AAGAB: variants seen among roughly 807,000 people sequenced by gnomAD.
AAGAB encodes the protein alpha and gamma adaptin binding protein, also known as alpha- and gamma-adaptin-binding protein p34.
In AAGAB, 38 loss-of-function variants were observed where a neutral mutation model predicts 44.1. The observed-to-expected ratio is 0.86, with a 90% CI of 0.67 to 1.13. AAGAB has a LOEUF of 1.13. Among genes scored for constraint, AAGAB ranks in the 50% most tolerant of loss-of-function variants. The pLI is 0.00. For synonymous variants in AAGAB, 131 were observed against 131.8 expected (o/e 0.99, Z 0.04); for missense variants, 450 against 373.8 (o/e 1.20, Z -1.68).
At chr15:67,220,539 A>C (rs1964043298) in intron 5 of AAGAB, 1 of 152,184 alleles carries the variant, frequency 6.6e-6, no homozygotes, top group Non-Finnish European at 1.5e-5. Flanking sequence ...GTTTTTCCCC[A>C]CCTGTAAAAG....
intron 5 of AAGAB, among the ~76,000 whole-genome samples, chr15:67,223,127 T>C (rs531728598): frequency 5.3e-5 from 8 of 152,314 alleles, no homozygotes; most frequent in African/African-American, 1.9e-4. Flanking sequence ...CCTTCTCTTC[T>C]CTCTGTCTCT....
At chr15:67,241,066 C>CACACACACAT (rs1964586992) in intron 1 of AAGAB, among the ~76,000 whole-genome samples, 1 of 151,740 alleles carries the variant, frequency 6.6e-6, no homozygotes. Context: ...CACACACACA[C>CACACACACAT]ACACATTTTA....
intron 1 of AAGAB, among the ~76,000 whole-genome samples, chr15:67,247,837 G>A (rs1314750401): frequency 6.6e-6 from 1 of 152,110 alleles, no homozygotes; most frequent in Non-Finnish European, 1.5e-5. Context: ...TAAACTAATT[G>A]TAAACTGATT....
intron 1 of AAGAB, among the ~76,000 whole-genome samples, chr15:67,238,348 C>A (rs1456370744): frequency 6.6e-6 from 1 of 152,118 alleles, no homozygotes; most frequent in Non-Finnish European, 1.5e-5. Flanking sequence ...TCAATTCCAT[C>A]GCAACCAGCT....
chr15:67,239,137 A>C (rs183703120), intron 1 of AAGAB, among the ~76,000 whole-genome samples: 4 of 152,324 alleles, frequency 2.6e-5, no homozygotes, highest in Admixed American at 2.6e-4. Flanking sequence ...TCATTGCTAT[A>C]ATCAGTTCTT....
chr15:67,219,581 A>G (rs1219120474), intron 5 of AAGAB, among the ~76,000 whole-genome samples: 1 of 152,148 alleles, frequency 6.6e-6, no homozygotes, highest in African/African-American at 2.4e-5. Flanking sequence ...CAAACACGAT[A>G]TGTTCTCACA....
Position 67,209,497 on chromosome 15 carries a change from G to T in AAGAB, c.583C>A (p.His195Asn). 1 of 1,614,150 alleles carries T rather than the reference G, an allele frequency of 6.2e-7. No individual in the cohort carries two copies. The highest frequency in any genetic ancestry group is 8.5e-7 in the Non-Finnish European group (1 of 1,180,008). ...CAGGGATCTGCTGACCCAATGCTAT[G>T]GTTTGTTCCAGTCAATGAGTTGAGA... ...SLLNSLTGTN[H>N]SIGSADPCHP... is the part of the protein sequence containing the mutation. Residue 195 changes from histidine to asparagine, a missense_variant, in exon 6 of 10, where the codon CAT becomes AAT. Coordinates refer to ENST00000261880, the MANE Select transcript of AAGAB (RefSeq NM_024666.5).
At chr15:67,239,197 G>A (rs1964540400) in intron 1 of AAGAB, among the ~76,000 whole-genome samples, 1 of 152,034 alleles carries the variant, frequency 6.6e-6, no homozygotes. Flanking sequence ...CAAAAAATTG[G>A]GGTTATGCTT....
In AAGAB at chr15:67,202,696, A is replaced by T; in HGVS notation, c.*125T>A. 1.3e-6 allele frequency: 1 copy of T among 768,932 alleles called. No individual in the cohort carries two copies. Among genetic ancestry groups the T allele is most frequent in the Non-Finnish European group, 2.2e-6 (1 of 453,078 alleles). 47.6% of individuals were successfully genotyped at this position (768,932 alleles called of 1,614,324 possible). A position where few individuals can be genotyped will look rare whatever the true frequency, so the allele number is the denominator to read the frequency against. Reference sequence around the variant, plus strand: ...CCTACTAAAAACTAAAATTAAGGGGACCCTATAAACAAGTCAGGCAGCCAA... The same window carrying T: ...CCTACTAAAAACTAAAATTAAGGGGTCCCTATAAACAAGTCAGGCAGCCAA... On this transcript the variant is annotated 3_prime_UTR_variant, in exon 10 of 10. Coordinates refer to ENST00000261880, the MANE Select transcript of AAGAB (RefSeq NM_024666.5).
intron 1 of AAGAB, among the ~76,000 whole-genome samples, chr15:67,247,747 T>A (rs931121867): frequency 6.6e-6 from 1 of 152,206 alleles, no homozygotes; most frequent in Non-Finnish European, 1.5e-5. Flanking sequence ...GGAAACAAAC[T>A]GTATACCAAT....
intron 6 of AAGAB, 116 bp from the exon 7 acceptor site, chr15:67,208,774 G>T: frequency 1.3e-6 from 1 of 761,044 alleles, no homozygotes; most frequent in Non-Finnish European, 2.1e-6. Context: ...AATAGGAACT[G>T]GAGGCAAAGA....
At chr15:67,210,085 A>T (rs1963779487) in intron 5 of AAGAB, among the ~76,000 whole-genome samples, 3 of 152,234 alleles carry the variant, frequency 2.0e-5, no homozygotes, top group Non-Finnish European at 4.4e-5. Context: ...GCAAAGATTA[A>T]CAGCACTAAT....
At chr15:67,232,249 C>CA (rs34877999) in intron 4 of AAGAB, among the ~76,000 whole-genome samples, 957 of 88,564 alleles carry the variant, frequency 0.011, 13 homozygotes, top group African/African-American at 0.032. Context: ...AACTCCATCT[C>CA]AAAAAAAAAA....
At chr15:67,215,844 A>G (rs1168214274) in intron 5 of AAGAB, among the ~76,000 whole-genome samples, 2 of 152,198 alleles carry the variant, frequency 1.3e-5, no homozygotes, top group African/African-American at 4.8e-5. Flanking sequence ...ACGAGAATCA[A>G]TTTATTCTTT....
chr15:67,203,225 C>A (rs1963608067), intron 9 of AAGAB, among the ~76,000 whole-genome samples: 2 of 152,120 alleles, frequency 1.3e-5, no homozygotes, highest in Non-Finnish European at 2.9e-5. Context: ...CACCATCAAC[C>A]ATACAAGTTT....
intron 1 of AAGAB, among the ~76,000 whole-genome samples, chr15:67,251,174 C>T (rs1257306293): frequency 6.6e-6 from 1 of 152,068 alleles, no homozygotes; most frequent in Non-Finnish European, 1.5e-5. Context: ...CATGCATGCA[C>T]TTTATGCATA....
At chr15:67,254,769 C>T (rs1248607093), upstream of AAGAB, 1 of 1,319,846 alleles carries the variant, frequency 7.6e-7, no homozygotes, top group Non-Finnish European at 1.1e-6. Context: ...CCCTAGACCC[C>T]CTTCCGCTCC....
At chr15:67,210,914 C>A (rs1408042095) in intron 5 of AAGAB, among the ~76,000 whole-genome samples, 1 of 152,186 alleles carries the variant, frequency 6.6e-6, no homozygotes, top group Admixed American at 6.5e-5. Context: ...CTCAAAAAGA[C>A]AACTTTCTCC....
chr15:67,222,242 G>GCGCGCGCGCGCACACA (rs1367738219), intron 5 of AAGAB, among the ~76,000 whole-genome samples: 5 of 90,044 alleles, frequency 5.6e-5, no homozygotes, highest in African/African-American at 1.9e-4. Context: ...GCGCGCGCGC[G>GCGCGCGCGCGCACACA]CACACACACA....
Sources: gnomAD v4.1 joint callset for allele counts (sites outside exome capture counted in the v4.1 genomes callset) on GRCh38, gnomAD v4.1.1 for gene constraint, MANE v1.5 for transcripts, NCBI Gene and HGNC (gene_info 2026-07-23, HGNC 2026-07-21) for gene names.